Variants in DPF3 observed in about 807,000 individuals in gnomAD.
DPF3 encodes the protein double PHD fingers 3.
A neutral mutation model predicts 56.8 loss-of-function variants in DPF3; 18 were observed. That is an observed-to-expected ratio of 0.32 (90% confidence interval 0.22 to 0.47). The LOEUF (loss-of-function observed/expected upper bound fraction) is 0.47. Among genes scored for constraint, DPF3 ranks in the 20% least tolerant of loss-of-function variants. The pLI is 1.00. For synonymous variants in DPF3, 188 were observed against 180.2 expected (o/e 1.04, Z -0.35); for missense variants, 403 against 488.8 (o/e 0.82, Z 1.65).
At chr14:72,716,905 G>A (rs1180465751) in intron 5 of DPF3, among the ~76,000 whole-genome samples, 1 of 152,106 alleles carries the variant, frequency 6.6e-6, no homozygotes, top group African/African-American at 2.4e-5. Flanking sequence ...CACTAAGGGG[G>A]ATCTACCTCC....
intron 1 of DPF3, among the ~76,000 whole-genome samples, chr14:72,785,544 G>A (rs1373214839): frequency 1.3e-5 from 2 of 152,158 alleles, no homozygotes; most frequent in African/African-American, 4.8e-5. Context: ...AGAATAACCT[G>A]AACACTTCCT....
At chr14:72,623,483 T>G (rs1211785965) in intron 9 of DPF3, among the ~76,000 whole-genome samples, 1 of 152,220 alleles carries the variant, frequency 6.6e-6, no homozygotes, top group Admixed American at 6.5e-5. Context: ...GATCTGCATA[T>G]ATATGTGTGT....
chr14:72,850,279 C>A (rs1884922939), intron 1 of DPF3, among the ~76,000 whole-genome samples: 1 of 152,120 alleles, frequency 6.6e-6, no homozygotes, highest in Non-Finnish European at 1.5e-5. Flanking sequence ...AGGGCATAAA[C>A]TTCCCAGTTG....
chr14:72,753,256 G>T lies in DPF3; in HGVS notation c.301+8C>A. On this transcript the variant is annotated splice_region_variant and intron_variant, in intron 3 of 10. Transcript: ENST00000556509. ...CACAGACCCAGCCAAGCTCCAGAGG[G>T]CACTGACCAGGTTTTATCTCCAGCA... The T allele has an allele frequency of 1.9e-6, 3 of 1,612,672 alleles. No individual in the cohort carries two copies. Among genetic ancestry groups the T allele is most frequent in the Admixed American group, 1.7e-5 (1 of 59,968 alleles).
intron 8 of DPF3, among the ~76,000 whole-genome samples, chr14:72,640,683 G>A (rs1412757605): frequency 1.3e-5 from 2 of 152,196 alleles, no homozygotes; most frequent in Non-Finnish European, 2.9e-5. Flanking sequence ...CAGAGTAGAT[G>A]ATAAAACTGT....
rs192424717 is a variant in DPF3, at chr14:72,792,595, G to A, written c.33-20702C>T. On this transcript the variant is annotated intron_variant, in intron 1 of 10. Transcript: ENST00000556509. Reference sequence around the variant, plus strand: ...AGAACCCGGCTCAGCACAGCCTCCCGACCTTGGTCCACATGACTGCTGGCC... The same window carrying A: ...AGAACCCGGCTCAGCACAGCCTCCCAACCTTGGTCCACATGACTGCTGGCC... Among the ~76,000 whole-genome samples, 7 of 152,048 alleles carry A rather than the reference G, an allele frequency of 4.6e-5. 1 individual carries two copies. The highest frequency in any genetic ancestry group is 4.2e-4 in the South Asian group (2 of 4,810).
At chr14:72,755,079 C>T in intron 2 of DPF3, among the ~76,000 whole-genome samples, 1 of 152,232 alleles carries the variant, frequency 6.6e-6, no homozygotes. Context: ...GAGGCCAGAG[C>T]CCCCTGCACC....
At chr14:72,759,600 A>AG (rs1322944092) in intron 2 of DPF3, among the ~76,000 whole-genome samples, 9 of 151,972 alleles carry the variant, frequency 5.9e-5, no homozygotes, top group East Asian at 1.9e-4. Context: ...GAAGGAAGGA[A>AG]GAAAGAAAGA....
At chr14:72,718,345 C>T (rs1413395190) in intron 5 of DPF3, among the ~76,000 whole-genome samples, 1 of 152,126 alleles carries the variant, frequency 6.6e-6, no homozygotes, top group Non-Finnish European at 1.5e-5. Context: ...ATCTTCTATA[C>T]CAGTTGTTCT....
intron 1 of DPF3, among the ~76,000 whole-genome samples, chr14:72,849,882 C>T (rs1393827003): frequency 6.6e-6 from 1 of 152,092 alleles, no homozygotes; most frequent in Non-Finnish European, 1.5e-5. Context: ...ATTTGGGAGG[C>T]CAACCTGGGT....
chr14:72,750,762 C>T (rs1333119366), intron 3 of DPF3, among the ~76,000 whole-genome samples: 3 of 109,808 alleles, frequency 2.7e-5, no homozygotes, highest in African/African-American at 1.0e-4. Flanking sequence ...ATTCCTGGTG[C>T]ATGCATGGAT....
intron 1 of DPF3, among the ~76,000 whole-genome samples, chr14:72,820,136 T>A (rs1883468462): frequency 6.6e-6 from 1 of 152,188 alleles, no homozygotes; most frequent in Non-Finnish European, 1.5e-5. Flanking sequence ...TTTGAATGAG[T>A]ACATTTTATT....
chr14:72,735,207 T>A (rs1439176420), intron 3 of DPF3, among the ~76,000 whole-genome samples: 2 of 152,180 alleles, frequency 1.3e-5, no homozygotes, highest in African/African-American at 4.8e-5. Flanking sequence ...ATAGTTTTCA[T>A]ATTTCAGGAT....
Position 72,738,888 on chromosome 14 carries a change from T to C in DPF3, c.302-6954A>G, listed in dbSNP as rs115482054. On this transcript the variant is annotated intron_variant, in intron 3 of 10. Transcript: ENST00000556509. ...CATCACACTGTATGCCATAAATATA[T>C]ATAACTTTTATTTGTCAATTATGCC... 5.3e-3 allele frequency among the ~76,000 whole-genome samples: 812 copies of C among 152,292 alleles called. 9 individuals are homozygous for C. Among genetic ancestry groups the C allele is most frequent in the African/African-American group, 0.019 (781 of 41,552 alleles).
chr14:72,612,993 CGTGTGTGTGT>C lies in DPF3; in HGVS notation c.*6294_*6303del, dbSNP rs59321921. On this transcript the variant is annotated 3_prime_UTR_variant, in exon 11 of 11. Coordinates refer to ENST00000556509, the MANE Select transcript of DPF3 (RefSeq NM_001280542.3). ...TTTCCCTTTGGTTCATTAAGTAGGG[CGTGTGTGTGT>C]GTGTGTGTGTGTGTGTGTGTGTGTG... 2.7e-3 allele frequency among the ~76,000 whole-genome samples: 397 copies of C among 148,948 alleles called. No homozygotes were observed. Among genetic ancestry groups the C allele is most frequent in the South Asian group, 5.7e-3 (26 of 4,582 alleles).
intron 1 of DPF3, among the ~76,000 whole-genome samples, chr14:72,827,812 TGTA>T (rs1397541092): frequency 1.3e-5 from 2 of 151,994 alleles, no homozygotes; most frequent in African/African-American, 4.8e-5. Flanking sequence ...GTGTGCCAGC[TGTA>T]GTAGTTTATG....
At chr14:72,621,342 C>T (rs538396306) in intron 9 of DPF3, among the ~76,000 whole-genome samples, 24 of 151,916 alleles carry the variant, frequency 1.6e-4, no homozygotes, top group African/African-American at 5.1e-4. Flanking sequence ...TCTGGCCCCA[C>T]CCCCTAGTTT....
intron 1 of DPF3, among the ~76,000 whole-genome samples, chr14:72,868,501 T>G (rs1003215288): frequency 4.6e-5 from 7 of 152,282 alleles, no homozygotes; most frequent in Admixed American, 2.0e-4. Context: ...GCCTCACCCC[T>G]AGGGATTTTG....
chr14:72,816,881 C>T (rs1015611105), intron 1 of DPF3, among the ~76,000 whole-genome samples: 3 of 152,190 alleles, frequency 2.0e-5, no homozygotes, highest in African/African-American at 7.2e-5. Context: ...ATATCAAGAT[C>T]AATCTTTAAT....
Sources: gnomAD v4.1 joint callset for allele counts (sites outside exome capture counted in the v4.1 genomes callset) on GRCh38, gnomAD v4.1.1 for gene constraint, MANE v1.5 for transcripts, NCBI Gene and HGNC (gene_info 2026-07-23, HGNC 2026-07-21) for gene names.